The following DNAJC19 variants were observed in gnomAD, a reference collection of about 807,000 sequenced individuals.
DNAJC19 encodes mitochondrial import inner membrane translocase subunit TIM14.
Under a neutral mutation model 19.8 loss-of-function variants are expected in DNAJC19, and 15 were observed. That is an observed-to-expected ratio of 0.76 (90% CI 0.51 to 1.17). DNAJC19 has a LOEUF of 1.17. Among genes scored for constraint, DNAJC19 ranks in the 50% most tolerant of loss-of-function variants. The pLI is 0.00. For synonymous variants in DNAJC19, 38 were observed against 42.1 expected, an observed-to-expected ratio of 0.90 and a Z score of 0.38; for missense variants, 105 against 140.9, an observed-to-expected ratio of 0.75 and a Z score of 1.29.
upstream of DNAJC19, chr3:180,989,793 G>C (rs1257405375): frequency 4.2e-6 from 4 of 943,230 alleles, no homozygotes; most frequent in Non-Finnish European, 6.6e-6. Context: ...ACGCGGAGGA[G>C]AAGGAAAGTC....
chr3:180,988,358 T>C (rs867514515), intron 1 of DNAJC19, 129 bp from the exon 2 acceptor site: 31,002 of 888,862 alleles, frequency 0.035, 46 homozygotes, highest in South Asian at 0.053. Context: ...TTTTTCTTTT[T>C]TTTTTTTTTT....
chr3:180,989,135 AC>A (rs1715085732), intron 1 of DNAJC19, among the ~76,000 whole-genome samples: 1 of 152,138 alleles, frequency 6.6e-6, no homozygotes, highest in Non-Finnish European at 1.5e-5. Flanking sequence ...GGAGACTAAT[AC>A]CTTTGGCACT....
chr3:180,988,362 T>C (rs910635023), intron 1 of DNAJC19, 133 bp from the exon 2 acceptor site: 19 of 1,084,532 alleles, frequency 1.8e-5, no homozygotes, highest in African/African-American at 1.1e-4. Flanking sequence ...TCTTTTTTTT[T>C]TTTTTTTTTT....
At chr3:180,985,849 G>A in intron 5 of DNAJC19, 77 bp downstream of exon 5, 4 of 1,259,860 alleles carry the variant, frequency 3.2e-6, no homozygotes, top group Non-Finnish European at 4.6e-6. Context: ...TAATAGCCAG[G>A]AATTTGAGAT....
In DNAJC19 at chr3:180,986,287, T is replaced by TG. The variant is rs386398701; in HGVS notation, c.210-292_210-291insC. On this transcript the variant is annotated intron_variant, in intron 4 of 5. Coordinates refer to ENST00000382564, the MANE Select transcript of DNAJC19 (RefSeq NM_145261.4). ...TGAAAATGAAGAAGGAAGAGTTTTG[T>TG]TTTTTTTTTTTTTTGAGATAGTCTC... is the stretch of plus-strand genomic sequence containing the variant. 1.9e-4 allele frequency among the ~76,000 whole-genome samples: 15 copies of TG among 77,114 alleles called. No individual in the cohort carries two copies. The South Asian group carries it at 2.3e-3, about 12-fold the overall frequency. The allele number at this position is 77,114 out of a possible 152,430, so 50.6% of individuals were successfully genotyped here.
chr3:180,984,411 A>G lies in DNAJC19; in HGVS notation c.*229T>C, dbSNP rs1446944355. 6 of 552,146 alleles carry G rather than the reference A, an allele frequency of 1.1e-5. No individual in the cohort carries two copies. Among genetic ancestry groups the G allele is most frequent in the Non-Finnish European group, 1.7e-5 (5 of 287,250 alleles). 34.2% of individuals were successfully genotyped at this position (552,146 alleles called of 1,614,324 possible). On this transcript the variant is annotated 3_prime_UTR_variant, in exon 6 of 6. Transcript: ENST00000382564. The stretch of plus-strand genomic sequence containing the variant: ...TTATCTGCTAAATGAGTAATGAACA[A>G]TATTTCTATTCAGAAGGTGTGTGCT...
intron 1 of DNAJC19, 146 bp downstream of exon 1, chr3:180,989,454 C>A: frequency 6.6e-7 from 1 of 1,517,268 alleles, no homozygotes; most frequent in Non-Finnish European, 8.8e-7. Flanking sequence ...GGGTTGTGTC[C>A]TGGTGAGTGT....
chr3:180,989,131 T>G (rs1051920933), intron 1 of DNAJC19, among the ~76,000 whole-genome samples: 16 of 152,092 alleles, frequency 1.1e-4, no homozygotes, highest in African/African-American at 3.9e-4. Context: ...ACTAGGAGAC[T>G]AATACCTTTG....
At chr3:180,987,973 T>G (rs766545232) in intron 3 of DNAJC19, 50 bp downstream of exon 3, 2 of 1,601,310 alleles carry the variant, frequency 1.2e-6, no homozygotes, top group Non-Finnish European at 1.7e-6. Flanking sequence ...CTTCCCTAAG[T>G]GTGGCTCTAG....
rs2108508466 is a variant in DNAJC19, at chr3:180,986,474, G to A, written c.209+469C>T. On this transcript the variant is annotated intron_variant, in intron 4 of 5. Coordinates refer to ENST00000382564, the MANE Select transcript of DNAJC19 (RefSeq NM_145261.4). Reference sequence around the variant, plus strand: ...TTTTTGTATTTTAAGTAGAGACGGGGTTTCACCATGTTTGCCAGGCTGGTC... The same window carrying A: ...TTTTTGTATTTTAAGTAGAGACGGGATTTCACCATGTTTGCCAGGCTGGTC... 1.6e-5 allele frequency: 3 copies of A among 192,100 alleles called. No homozygotes were observed. In the South Asian group the frequency reaches 2.8e-4, roughly 18 times the overall value. The allele number at this position is 192,100 out of a possible 1,614,324, so 11.9% of individuals were successfully genotyped here.
intron 5 of DNAJC19, 100 bp downstream of exon 5, chr3:180,985,826 A>G: frequency 9.8e-7 from 1 of 1,016,898 alleles, no homozygotes; most frequent in East Asian, 2.5e-5. Flanking sequence ...TACAGATTTA[A>G]GTGTTACCTT....
Position 180,987,135 on chromosome 3 carries a change from T to C in DNAJC19, c.130-113A>G, listed in dbSNP as rs1189354894. Reference sequence around the variant, plus strand: ...AAAACTAAGACATTTCAGAGGACTTTTAGTGCAATTCCCGAGGTATTTTAG... The same window carrying C: ...AAAACTAAGACATTTCAGAGGACTTCTAGTGCAATTCCCGAGGTATTTTAG... On this transcript the variant is annotated intron_variant, in intron 3 of 5. Transcript: ENST00000382564. 6.7e-6 allele frequency: 6 copies of C among 897,070 alleles called. No individual in the cohort carries two copies. In the African/African-American group the frequency reaches 6.7e-5, roughly 10 times the overall value. The allele number at this position is 897,070 out of a possible 1,614,324, so 55.6% of individuals were successfully genotyped here. A position where few individuals can be genotyped will look rare whatever the true frequency, so the allele number is the denominator to read the frequency against.
rs982925602 is a variant in DNAJC19 at position 180,984,579 on chromosome 3, T to C, written c.*61A>G. On this transcript the variant is annotated 3_prime_UTR_variant, in exon 6 of 6. Coordinates refer to ENST00000382564, the MANE Select transcript of DNAJC19 (RefSeq NM_145261.4). ...ATTGTAGCTCTGAGGCATTTTATTA[T>C]AAAAACTTAGTACTCATATACATAA... is the stretch of plus-strand genomic sequence containing the variant. 34 of 1,194,870 alleles carry C rather than the reference T, an allele frequency of 2.8e-5. No individual in the cohort carries two copies. Among genetic ancestry groups the C allele is most frequent in the Non-Finnish European group, 3.9e-5 (32 of 829,108 alleles). 74.0% of individuals were successfully genotyped at this position (1,194,870 alleles called of 1,614,324 possible).
At chr3:180,987,054 T>C (rs1183975707) in intron 3 of DNAJC19, 32 bp from the exon 4 acceptor site, 11 of 1,590,986 alleles carry the variant, frequency 6.9e-6, no homozygotes, top group Non-Finnish European at 9.5e-6. Context: ...TAAAGAAAGG[T>C]TAATAAAATA....
In DNAJC19 at chr3:180,985,962, G is replaced by C; in HGVS notation, c.244C>G (p.His82Asp). The C allele has an allele frequency of 5.0e-6, 8 of 1,613,548 alleles. No homozygotes were observed. The highest frequency in any genetic ancestry group is 6.8e-6 in the Non-Finnish European group (8 of 1,179,850). The part of the protein sequence containing the change: ...TANKGKIRDA[H>D]RRIMLLNHPD... ...TGATTTAAAAGCATAATTCGTCGATGAGCATCTCTTATTTTCCCTTTATTG... is the reference window on the plus strand; with the variant it reads ...TGATTTAAAAGCATAATTCGTCGATCAGCATCTCTTATTTTCCCTTTATTG... The change falls in exon 5 of 6, where the codon CAT becomes GAT. Residue 82 changes from histidine to aspartate, a missense_variant. Physicochemically the swap from His to Asp is moderately conservative, Grantham distance 81. Coordinates refer to ENST00000382564, the MANE Select transcript of DNAJC19 (RefSeq NM_145261.4).
intron 1 of DNAJC19, 119 bp from the exon 2 acceptor site, chr3:180,988,348 TTTTTC>T: frequency 1.8e-6 from 2 of 1,120,918 alleles, no homozygotes; most frequent in South Asian, 1.5e-5. Context: ...ACAACTTTTT[TTTTTC>T]TTTTTTTTTT....
chr3:180,988,813 T>TAA (rs1715048087), intron 1 of DNAJC19, among the ~76,000 whole-genome samples: 1 of 150,120 alleles, frequency 6.7e-6, no homozygotes. Flanking sequence ...CCATCCTGGC[T>TAA]ACCATGGTGA....
Position 180,985,856 on chromosome 3 carries a change from A to G in DNAJC19, c.280+70T>C, listed in dbSNP as rs112324441. Reference sequence around the variant, plus strand: ...TACCTTTCTAATAGCCAGGAATTTGAGATAAAATTATCCCATTAATAACTA... The same window carrying G: ...TACCTTTCTAATAGCCAGGAATTTGGGATAAAATTATCCCATTAATAACTA... On this transcript the variant is annotated intron_variant, in intron 5 of 5. Coordinates refer to ENST00000382564, the MANE Select transcript of DNAJC19 (RefSeq NM_145261.4). 82 of 1,313,298 alleles carry G rather than the reference A, an allele frequency of 6.2e-5. No homozygotes were observed. The African/African-American group carries it at 1.1e-3, about 17-fold the overall frequency. 81.4% of individuals were successfully genotyped at this position (1,313,298 alleles called of 1,614,324 possible).
At position 180,984,595 on chromosome 3, in the gene DNAJC19, A is replaced by G. The variant is rs993200454; in HGVS notation, c.*45T>C. 1.5e-6 allele frequency: 2 copies of G among 1,372,996 alleles called. No individual in the cohort carries two copies. Among genetic ancestry groups the G allele is most frequent in the African/African-American group, 1.4e-5 (1 of 69,436 alleles). 85.1% of individuals were successfully genotyped at this position (1,372,996 alleles called of 1,614,324 possible). A position where few individuals can be genotyped will look rare whatever the true frequency, so the allele number is the denominator to read the frequency against. On this transcript the variant is annotated 3_prime_UTR_variant, in exon 6 of 6. Coordinates refer to ENST00000382564, the MANE Select transcript of DNAJC19 (RefSeq NM_145261.4). ...ATTTTATTATAAAAACTTAGTACTC[A>G]TATACATAAACTAATACGAACTTAA...
Sources: allele counts gnomAD v4.1 joint callset (sites outside exome capture counted in the v4.1 genomes callset), GRCh38; gene constraint gnomAD v4.1.1; transcripts MANE v1.5; gene names NCBI Gene and HGNC (gene_info 2026-07-23, HGNC 2026-07-21).